Variants in CYP4F8 observed in about 807,000 individuals in gnomAD.
CYP4F8 encodes cytochrome P450 4F8.
CYP4F8 carries 56 observed loss-of-function variants against 55.0 expected under a neutral mutation model. The ratio of observed to expected loss-of-function variants is 1.02; its 90% confidence interval spans 0.82 to 1.27. The LOEUF is 1.27. Ranked by LOEUF, CYP4F8 falls within the 50% of genes most tolerant of loss-of-function variation. The pLI is 0.00. For missense variants in CYP4F8, 680 were observed against 682.4 expected (o/e 1.00, Z 0.04); for synonymous variants, 288 against 267.3 (o/e 1.08, Z -0.76).
At position 15,618,374 on chromosome 19, in the gene CYP4F8, C is replaced by T. The variant is rs74372265; in HGVS notation, c.343+230C>T. ...GTTGTTCTGGGAACCACTGGGGCCC[C>T]GAGAAGCCTTAATCCAAGGCCCTGT... On this transcript the variant is annotated intron_variant, in intron 3 of 12. Transcript: ENST00000612078. 1.0e-4 allele frequency: 73 copies of T among 708,388 alleles called. No individual in the cohort carries two copies. In the East Asian group the frequency reaches 1.1e-3, roughly 10 times the overall value. The allele number at this position is 708,388 out of a possible 1,614,324, so 43.9% of individuals were successfully genotyped here.
chr19:15,622,970 G>A (rs981057133), intron 6 of CYP4F8, 135 bp from the exon 7 acceptor site: 3 of 1,062,208 alleles, frequency 2.8e-6, no homozygotes, highest in South Asian at 3.2e-5. Flanking sequence ...ACAGAGAGTG[G>A]GAGGCAGAGA....
Position 15,615,834 on chromosome 19 carries a change from A to T in CYP4F8, c.198+20A>T, listed in dbSNP as rs753406113. 7.5e-6 allele frequency: 12 copies of T among 1,597,104 alleles called. No homozygotes were observed. The highest frequency in any genetic ancestry group is 9.4e-6 in the Non-Finnish European group (11 of 1,169,676). On this transcript the variant is annotated intron_variant, in intron 2 of 12. Transcript: ENST00000612078. ...GGCCTGGTGAGTGGCAGGAGGATGG[A>T]TCTAGTGTCTCAGGGTGGAAGGGTG...
intron 11 of CYP4F8, 48 bp from the exon 12 acceptor site, chr19:15,628,713 G>A (rs773130368): frequency 6.2e-7 from 1 of 1,610,528 alleles, no homozygotes; most frequent in East Asian, 2.2e-5. Context: ...GGGGTGGCTG[G>A]GTGTCCTGAG....
At chr19:15,616,798 G>C (rs1464473386) in intron 2 of CYP4F8, among the ~76,000 whole-genome samples, 1 of 152,200 alleles carries the variant, frequency 6.6e-6, no homozygotes, top group African/African-American at 2.4e-5. Flanking sequence ...TTCAGACCCT[G>C]CCCTTTCACT....
chr19:15,617,177 TCC>T (rs1568381345), intron 2 of CYP4F8, among the ~76,000 whole-genome samples: 2 of 152,148 alleles, frequency 1.3e-5, no homozygotes, highest in Admixed American at 6.5e-5. Context: ...CACGTGACTT[TCC>T]GTGGGCTGGA....
In CYP4F8 at chr19:15,627,552, A is replaced by G. The variant is rs527884967; in HGVS notation, c.1116-750A>G. 18 of 152,332 alleles carry G rather than the reference A, an allele frequency of 1.2e-4. No homozygotes were observed. In the East Asian group the frequency reaches 3.5e-3, roughly 29 times the overall value. 9.4% of individuals were successfully genotyped at this position (152,332 alleles called of 1,614,324 possible). On this transcript the variant is annotated intron_variant, in intron 9 of 12. Transcript: ENST00000612078. ...TTAGAATAAGATTTCAAAGTTCCAA[A>G]AAGAATCCAGCTAGATTTTTATTAA...
chr19:15,629,629 C>T lies in CYP4F8; in HGVS notation c.*271C>T, dbSNP rs912483809. 10 of 390,582 alleles carry T rather than the reference C, an allele frequency of 2.6e-5. No individual in the cohort carries two copies. The highest frequency in any genetic ancestry group is 4.1e-5 in the East Asian group (1 of 24,270). The allele number at this position is 390,582 out of a possible 1,614,324, so 24.2% of individuals were successfully genotyped here. A position where few individuals can be genotyped will look rare whatever the true frequency, so the allele number is the denominator to read the frequency against. On this transcript the variant is annotated 3_prime_UTR_variant, in exon 13 of 13. Transcript: ENST00000612078. ...CCCAGAGTCTAAGTAAAGACTTTTT[C>T]CCCCCCAAAATAATTGTGTATTCTG...
chr19:15,619,429 C>A, intron 3 of CYP4F8, 61 bp from the exon 4 acceptor site: 1 of 1,600,668 alleles, frequency 6.2e-7, no homozygotes, highest in Non-Finnish European at 8.5e-7. Flanking sequence ...AGCCACCCTC[C>A]ATACCCAAAG....
intron 2 of CYP4F8, among the ~76,000 whole-genome samples, chr19:15,617,122 T>C (rs1198225448): frequency 1.3e-5 from 2 of 152,144 alleles, no homozygotes; most frequent in African/African-American, 4.8e-5. Flanking sequence ...GGACATGTCC[T>C]GAGGCCACAT....
chr19:15,621,740 C>T (rs1972196716), intron 5 of CYP4F8: 1 of 155,074 alleles, frequency 6.4e-6, no homozygotes, highest in Non-Finnish European at 1.4e-5. Flanking sequence ...TGTATGTGGT[C>T]TCATTTAATT....
chr19:15,619,830 G>T, intron 5 of CYP4F8, 68 bp downstream of exon 5: 1 of 1,571,692 alleles, frequency 6.4e-7, no homozygotes, highest in East Asian at 2.3e-5. Context: ...AATTGGGTCT[G>T]GAATGTTGGC....
Position 15,629,576 on chromosome 19 carries a change from CA to C in CYP4F8, c.*219del. On this transcript the variant is annotated 3_prime_UTR_variant, in exon 13 of 13. Coordinates refer to ENST00000612078, the MANE Select transcript of CYP4F8 (RefSeq NM_007253.4). ...TACTCACTGCCTCTCTGGGTGAGCA[CA>C]GGAGCCCCGTGCTGAGGGTGGGATC... 1 of 570,956 alleles carries C rather than the reference CA, an allele frequency of 1.8e-6. No individual in the cohort carries two copies. The highest frequency in any genetic ancestry group is 2.8e-6 in the Non-Finnish European group (1 of 351,524). 35.4% of individuals were successfully genotyped at this position (570,956 alleles called of 1,614,324 possible).
intron 5 of CYP4F8, among the ~76,000 whole-genome samples, chr19:15,621,264 G>A (rs56758671): frequency 5.5e-4 from 84 of 152,224 alleles, no homozygotes; most frequent in African/African-American, 1.8e-3. Flanking sequence ...AGGGTTGACC[G>A]GGTGTGGTGG....
At chr19:15,616,614 C>A (rs1470401241) in intron 2 of CYP4F8, among the ~76,000 whole-genome samples, 1 of 152,140 alleles carries the variant, frequency 6.6e-6, no homozygotes, top group Non-Finnish European at 1.5e-5. Flanking sequence ...TAGCTATACA[C>A]CCCCTACCCT....
intron 3 of CYP4F8, chr19:15,618,411 C>A: frequency 5.2e-6 from 3 of 572,024 alleles, no homozygotes; most frequent in Non-Finnish European, 9.7e-6. Flanking sequence ...CTGGAGGAAT[C>A]CCCAAACTTG....
chr19:15,620,352 G>T (rs892894008), intron 5 of CYP4F8, among the ~76,000 whole-genome samples: 1 of 152,116 alleles, frequency 6.6e-6, no homozygotes, highest in Non-Finnish European at 1.5e-5. Flanking sequence ...GCAGAGACAG[G>T]ATTCCAAGGC....
chr19:15,623,188 A>T lies in CYP4F8; in HGVS notation c.731A>T (p.Asp244Val). ...KRNNQFFRYKDFLYFLTPCGR... is the reference protein window; with the variant it reads ...KRNNQFFRYKVFLYFLTPCGR... ...AATAACCAGTTCTTCCGGTACAAGG[A>T]CTTCCTGTACTTCCTCACTCCCTGT... Residue 244 changes from aspartate to valine, a missense_variant, in exon 7 of 13, where the codon GAC (aspartate) becomes GTC (valine). Transcript: ENST00000612078. 1 of 1,614,032 alleles carries T rather than the reference A, an allele frequency of 6.2e-7. No individual in the cohort carries two copies. The highest frequency in any genetic ancestry group is 8.5e-7 in the Non-Finnish European group (1 of 1,180,008).
chr19:15,628,580 C>A lies in CYP4F8; in HGVS notation c.1299C>A (p.Val433=). Residue 433 remains valine, a synonymous_variant, in exon 11 of 13, where the codon GTC becomes GTA. Coordinates refer to ENST00000612078, the MANE Select transcript of CYP4F8 (RefSeq NM_007253.4). ...TCGCAATCCATCACAACCCCTCAGTCTGGCCAGACCCTGAGGTGCTGCCCC... is the reference window on the plus strand; with the variant it reads ...TCGCAATCCATCACAACCCCTCAGTATGGCCAGACCCTGAGGTGCTGCCCC... ...NIFAIHHNPS[V]WPDPEVYDPF... 1.2e-6 allele frequency: 2 copies of A among 1,613,922 alleles called. No individual in the cohort carries two copies.
In CYP4F8 at chr19:15,630,488, G is replaced by A. The variant is rs1042591472; in HGVS notation, c.*1130G>A. The A allele has an allele frequency of 6.6e-6, 1 of 152,196 alleles. No individual in the cohort carries two copies. Among genetic ancestry groups the A allele is most frequent in the Non-Finnish European group, 1.5e-5 (1 of 68,046 alleles). The allele number at this position is 152,196 out of a possible 1,614,324, so 9.4% of individuals were successfully genotyped here. On this transcript the variant is annotated 3_prime_UTR_variant, in exon 13 of 13. Coordinates refer to ENST00000612078, the MANE Select transcript of CYP4F8 (RefSeq NM_007253.4). ...CAGCTGCATCTATGTTGCTGCAAAC[G>A]ACATGATTTTGTACTTTTTAATGAC...
Sources: gnomAD v4.1 joint callset for allele counts (sites outside exome capture counted in the v4.1 genomes callset) on GRCh38, gnomAD v4.1.1 for gene constraint, MANE v1.5 for transcripts, NCBI Gene and HGNC (gene_info 2026-07-23, HGNC 2026-07-21) for gene names.